Variants in MEGF8 observed in about 807,000 individuals in gnomAD.
MEGF8 encodes the protein multiple epidermal growth factor-like domains protein 8.
Under a neutral mutation model 302.9 loss-of-function variants are expected in MEGF8, and 156 were observed. The ratio of observed to expected loss-of-function variants is 0.52; its 90% CI spans 0.45 to 0.59. The LOEUF (loss-of-function observed/expected upper bound fraction) is 0.59, where lower values mean the gene tolerates loss of function less well. MEGF8 is among the 20% of genes least tolerant of loss of function. MEGF8 has a pLI of 0.00. For missense variants in MEGF8, 3,345 were observed against 3,964.5 expected, an observed-to-expected ratio of 0.84 and a Z score of 4.20; for synonymous variants, 1,621 against 1,660.5, an observed-to-expected ratio of 0.98 and a Z score of 0.58.
rs971026507 is a variant in MEGF8 at position 42,375,986 on chromosome 19, G to A, written c.7749G>A (p.Pro2583=). Residue 2583 remains proline (P), a synonymous_variant, in exon 42 of 42, where the codon CCG becomes CCA. Coordinates refer to ENST00000251268, the MANE Select transcript of MEGF8 (RefSeq NM_001271938.2). The surrounding 1 kb of genome is among the most constrained non-coding windows in gnomAD (Gnocchi z 7.1). Reference sequence around the variant, plus strand: ...TTACCTACGTGACGGTGACGGAGCCGTCGGCAGTGCTGGTGGTCCGCGGCG... The same window carrying A: ...TTACCTACGTGACGGTGACGGAGCCATCGGCAGTGCTGGTGGTCCGCGGCG... The part of the protein sequence containing the change: ...GLITYVTVTE[P]SAVLVVRGVR... The A allele has an allele frequency of 6.8e-6, 11 of 1,606,844 alleles. No homozygotes were observed. Among genetic ancestry groups the A allele is most frequent in the East Asian group, 2.2e-5 (1 of 44,788 alleles).
chr19:42,369,271 G>GGA lies in MEGF8; in HGVS notation c.6642-258_6642-257dup, dbSNP rs2039651345. Among the ~76,000 whole-genome samples, 1 of 152,150 alleles carries GGA rather than the reference G, an allele frequency of 6.6e-6. No homozygotes were observed. Among genetic ancestry groups the GGA allele is most frequent in the African/African-American group, 2.4e-5 (1 of 41,422 alleles). Reference sequence around the variant, plus strand: ...GAGGCAGGTGGATCACTTAAGGCCAGGAGTTCGAGACCAGTCCACAGGGAG... The same window carrying GGA: ...GAGGCAGGTGGATCACTTAAGGCCAGGAGAGTTCGAGACCAGTCCACAGGGAG... On this transcript the variant is annotated intron_variant, in intron 37 of 41. Transcript: ENST00000251268. This position sits in a 1 kb window ranked among gnomAD's most constrained non-coding sequence, Gnocchi z 5.7.
At chr19:42,337,327 A>G (rs2039142115) in intron 8 of MEGF8, 121 bp downstream of exon 8, 2 of 1,386,492 alleles carry the variant, frequency 1.4e-6, no homozygotes, top group Non-Finnish European at 2.0e-6. Flanking sequence ...AGTTGGTGCC[A>G]GCCTTAGGAG....
At chr19:42,343,815 A>G in intron 9 of MEGF8, 139 bp from the exon 10 acceptor site, 2 of 1,370,072 alleles carry the variant, frequency 1.5e-6, no homozygotes, top group South Asian at 1.5e-5. Flanking sequence ...GGCCTGGGGG[A>G]GGAATGGATG....
chr19:42,344,126 T>C lies in MEGF8; in HGVS notation c.1788+53T>C. 6.3e-7 allele frequency: 1 copy of C among 1,590,578 alleles called. No homozygotes were observed. The highest frequency in any genetic ancestry group is 8.5e-7 in the Non-Finnish European group (1 of 1,170,216). ...CCCTAGCATAGAGACCTGCCCTCAG[T>C]GTCTCCCTCTGCCTAACCAGATGGA... On this transcript the variant is annotated intron_variant, in intron 10 of 41. Coordinates refer to ENST00000251268, the MANE Select transcript of MEGF8 (RefSeq NM_001271938.2). The surrounding 1 kb of genome is among the most constrained non-coding windows in gnomAD (Gnocchi z 4.5).
chr19:42,335,474 C>T lies in MEGF8; in HGVS notation c.828+89C>T, dbSNP rs2039114832. 6.0e-6 allele frequency: 7 copies of T among 1,175,920 alleles called. No individual in the cohort carries two copies. In the Admixed American group the frequency reaches 1.4e-4, roughly 23 times the overall value. 72.8% of individuals were successfully genotyped at this position (1,175,920 alleles called of 1,614,324 possible). A position where few individuals can be genotyped will look rare whatever the true frequency, so the allele number is the denominator to read the frequency against. On this transcript the variant is annotated intron_variant, in intron 5 of 41. Transcript: ENST00000251268. Reference sequence around the variant, plus strand: ...CGGAATGATCCCCTATCACCTAGTGCTCCCACAGTTCCTGCAGCTTGATAT... The same window carrying T: ...CGGAATGATCCCCTATCACCTAGTGTTCCCACAGTTCCTGCAGCTTGATAT...
At chr19:42,333,880 T>A in intron 2 of MEGF8, 112 bp downstream of exon 2, 24 of 1,529,252 alleles carry the variant, frequency 1.6e-5, no homozygotes, top group Non-Finnish European at 2.0e-5. Context: ...CAAGGGAAGG[T>A]GGAGAGAGGC....
chr19:42,359,361 C>G, intron 31 of MEGF8, 119 bp downstream of exon 31: 1 of 897,994 alleles, frequency 1.1e-6, no homozygotes, highest in Non-Finnish European at 1.5e-6. Context: ...TGGCAGAGCT[C>G]CCGCTCTTCT....
Position 42,359,085 on chromosome 19 carries a change from G to A in MEGF8, c.5344-13G>A, listed in dbSNP as rs1167614102. The A allele has an allele frequency of 2.7e-5, 17 of 624,672 alleles. No individual in the cohort carries two copies. Among genetic ancestry groups the A allele is most frequent in the South Asian group, 3.4e-5 (2 of 58,440 alleles). The allele number at this position is 624,672 out of a possible 1,614,324, so 38.7% of individuals were successfully genotyped here. On this transcript the variant is annotated splice_polypyrimidine_tract_variant and intron_variant, in intron 30 of 41. Coordinates refer to ENST00000251268, the MANE Select transcript of MEGF8 (RefSeq NM_001271938.2). Reference sequence around the variant, plus strand: ...AGGCTGTCCTGTCCCCCCACCCCCCGTCTCCCCAACAGCCCCGCCCCCGGC... The same window carrying A: ...AGGCTGTCCTGTCCCCCCACCCCCCATCTCCCCAACAGCCCCGCCCCCGGC...
intron 35 of MEGF8, among the ~76,000 whole-genome samples, chr19:42,364,821 G>A (rs1358486368): frequency 6.6e-6 from 1 of 152,234 alleles, no homozygotes; most frequent in African/African-American, 2.4e-5. Context: ...CATTTCACTA[G>A]ATCCTGTCCC....
In MEGF8 at chr19:42,368,644, C is replaced by A; in HGVS notation, c.6463C>A (p.Leu2155Ile). ...GGGTGGCCGCTGCATGGAGGGTGGACTCAGCGGCCCCCGTGATGGTGAGAG... is the reference window on the plus strand; with the variant it reads ...GGGTGGCCGCTGCATGGAGGGTGGAATCAGCGGCCCCCGTGATGGTGAGAG... Reference protein sequence around the residue: ...DGGGRCMEGGLSGPRDGLTCG... With the variant: ...DGGGRCMEGGISGPRDGLTCG... The change falls in exon 36 of 42, where the codon CTC (leucine) becomes ATC (isoleucine). Residue 2155 changes from leucine (L) to isoleucine (I), a missense_variant. Leu to Ile is a conservative substitution (Grantham distance 5, BLOSUM62 2). Transcript: ENST00000251268. This position sits in a 1 kb window ranked among gnomAD's most constrained non-coding sequence, Gnocchi z 4.9. The A allele has an allele frequency of 6.4e-7, 1 of 1,551,834 alleles. No individual in the cohort carries two copies. Among genetic ancestry groups the A allele is most frequent in the Non-Finnish European group, 8.7e-7 (1 of 1,148,838 alleles).
Position 42,333,750 on chromosome 19 carries a change from C to G in MEGF8, c.333C>G (p.Ile111Met). ...GTGGGAGCACCCGACCTCCGCCCAT[C>G]GAAGCTTCCTCAGGCAAGGTTAGTG... ...SLSGSTRPPP[I>M]EASSGKMLLH... Residue 111 changes from isoleucine (I) to methionine (M), a missense_variant, in exon 2 of 42, where the codon ATC becomes ATG. Transcript: ENST00000251268. 2 of 1,613,896 alleles carry G rather than the reference C, an allele frequency of 1.2e-6. No homozygotes were observed. The highest frequency in any genetic ancestry group is 1.7e-6 in the Non-Finnish European group (2 of 1,179,856).
At position 42,337,185 on chromosome 19, in the gene MEGF8, G is replaced by GCC; in HGVS notation, c.1495_1496dup (p.Pro500ArgfsTer19). 1 of 1,613,824 alleles carries GCC rather than the reference G, an allele frequency of 6.2e-7. No individual in the cohort carries two copies. The highest frequency in any genetic ancestry group is 8.5e-7 in the Non-Finnish European group (1 of 1,179,882). ...TCAATGGGTGTCAGGAGCTGAGCTT[G>GCC]CCCCGCCAGGAACCCCTGAGGGTGA... is the stretch of plus-strand genomic sequence containing the variant. On this transcript the variant is annotated frameshift_variant, in exon 8 of 42. Transcript: ENST00000251268. LOFTEE classifies it high-confidence loss of function.
At chr19:42,338,450 A>C (rs7255956) in intron 8 of MEGF8, among the ~76,000 whole-genome samples, 12,795 of 151,946 alleles carry the variant, frequency 0.084, 690 homozygotes, top group Middle Eastern at 0.17. Flanking sequence ...CCATGTTGGC[A>C]AGGCTGGTCT....
rs1429814854 is a variant in MEGF8 at position 42,354,831 on chromosome 19, G to A, written c.4144+111G>A. 3.3e-6 allele frequency: 4 copies of A among 1,202,598 alleles called. No homozygotes were observed. In the African/African-American group the frequency reaches 4.6e-5, roughly 14 times the overall value. 74.5% of individuals were successfully genotyped at this position (1,202,598 alleles called of 1,614,324 possible). A position where few individuals can be genotyped will look rare whatever the true frequency, so the allele number is the denominator to read the frequency against. On this transcript the variant is annotated intron_variant, in intron 23 of 41. Coordinates refer to ENST00000251268, the MANE Select transcript of MEGF8 (RefSeq NM_001271938.2). The surrounding 1 kb of genome is among the most constrained non-coding windows in gnomAD (Gnocchi z 4.3). ...ACCCAGCTCTGCCGCTGCTTATGGG[G>A]TGATGTAGTCCCTCACCATCTCTGG...
Position 42,334,346 on chromosome 19 carries a change from C to T in MEGF8, c.558+133C>T, listed in dbSNP as rs993298051. The T allele has an allele frequency of 3.7e-6, 3 of 819,972 alleles. No homozygotes were observed. In the African/African-American group the frequency reaches 5.2e-5, roughly 14 times the overall value. The allele number at this position is 819,972 out of a possible 1,614,324, so 50.8% of individuals were successfully genotyped here. ...ACCCCACCCTCCTCCGTGACACCCA[C>T]TTCCCTCTCCTTCCAGAGCTTGCCC... On this transcript the variant is annotated intron_variant, in intron 3 of 41. Transcript: ENST00000251268.
chr19:42,336,003 G>A lies in MEGF8; in HGVS notation c.901G>A (p.Gly301Ser), dbSNP rs369528104. 28 of 1,543,438 alleles carry A rather than the reference G, an allele frequency of 1.8e-5. No individual in the cohort carries two copies. In the South Asian group the frequency reaches 2.3e-4, roughly 12 times the overall value. Residue 301 changes from glycine to serine, a missense_variant, in exon 6 of 42, where the codon GGC becomes AGC. Physicochemically the swap from Gly to Ser is moderately conservative, Grantham distance 56. Coordinates refer to ENST00000251268, the MANE Select transcript of MEGF8 (RefSeq NM_001271938.2). This position sits in a 1 kb window ranked among gnomAD's most constrained non-coding sequence, Gnocchi z 4.8. The part of the protein sequence containing the change: ...LVLMGGELAD[G>S]SLTNDVWAFS... ...ACTGATGGGTGGTGAGCTGGCTGAC[G>A]GCTCGCTCACCAACGACGTGTGGGC...
chr19:42,368,437 C>T lies in MEGF8; in HGVS notation c.6274-18C>T, dbSNP rs756344208. On this transcript the variant is annotated intron_variant, in intron 35 of 41. Coordinates refer to ENST00000251268, the MANE Select transcript of MEGF8 (RefSeq NM_001271938.2). The surrounding 1 kb of genome is among the most constrained non-coding windows in gnomAD (Gnocchi z 4.9). The stretch of plus-strand genomic sequence containing the variant: ...ATCTCTCTCTTCCCTGCATCCCCAT[C>T]CCCTCCCCCCCATACAGTGTCTGAG... 7.5e-6 allele frequency: 11 copies of T among 1,462,966 alleles called. No individual in the cohort carries two copies. The highest frequency in any genetic ancestry group is 1.0e-5 in the Non-Finnish European group (11 of 1,060,130). 90.6% of individuals were successfully genotyped at this position (1,462,966 alleles called of 1,614,324 possible).
chr19:42,356,214 G>C lies in MEGF8; in HGVS notation c.4503+21G>C. 1 of 1,516,874 alleles carries C rather than the reference G, an allele frequency of 6.6e-7. No homozygotes were observed. Among genetic ancestry groups the C allele is most frequent in the East Asian group, 2.4e-5 (1 of 40,918 alleles). The allele number at this position is 1,516,874 out of a possible 1,614,324, so 94.0% of individuals were successfully genotyped here. A position where few individuals can be genotyped will look rare whatever the true frequency, so the allele number is the denominator to read the frequency against. On this transcript the variant is annotated intron_variant, in intron 25 of 41. Coordinates refer to ENST00000251268, the MANE Select transcript of MEGF8 (RefSeq NM_001271938.2). The surrounding 1 kb of genome is among the most constrained non-coding windows in gnomAD (Gnocchi z 5.2). Reference sequence around the variant, plus strand: ...CAGCCGTGAGTTGTGGGTACCCGCTGTCTAGGGATGGTTGCTCCCAGGTCG... The same window carrying C: ...CAGCCGTGAGTTGTGGGTACCCGCTCTCTAGGGATGGTTGCTCCCAGGTCG...
chr19:42,350,157 T>C lies in MEGF8; in HGVS notation c.2509T>C (p.Phe837Leu). ...TGVPGGSEIS[F>L]FFLEPYRSSS... ...GTGACCCCTTCCCCAGGAGATCTCC[T>C]TCTTCTTCCTGGAGCCCTACCGCTC... Residue 837 changes from phenylalanine (F) to leucine (L), a missense_variant, in exon 15 of 42, where the codon TTC becomes CTC. By Grantham distance (22) the Phe-to-Leu change is conservative (BLOSUM62 0). Coordinates refer to ENST00000251268, the MANE Select transcript of MEGF8 (RefSeq NM_001271938.2). The C allele has an allele frequency of 6.2e-7, 1 of 1,611,586 alleles. No individual in the cohort carries two copies. The highest frequency in any genetic ancestry group is 8.5e-7 in the Non-Finnish European group (1 of 1,178,214).
Sources: allele counts gnomAD v4.1 joint callset (sites outside exome capture counted in the v4.1 genomes callset), GRCh38; gene constraint gnomAD v4.1.1; non-coding constraint Gnocchi (gnomAD v3.1); transcripts MANE v1.5; gene names NCBI Gene and HGNC (gene_info 2026-07-23, HGNC 2026-07-21).